The following PI4KA variants were observed in gnomAD, a reference collection of about 807,000 sequenced individuals.
PI4KA encodes PI4-kinase alpha.
Under a neutral mutation model 271.4 loss-of-function variants are expected in PI4KA, and 122 were observed. The ratio of observed to expected loss-of-function variants is 0.45; its 90% confidence interval spans 0.39 to 0.52. The LOEUF is 0.52. PI4KA is among the 20% of genes least tolerant of loss of function. The pLI is 0.00. For synonymous variants in PI4KA, 1,041 were observed against 1,078.8 expected (o/e 0.96, Z 0.69); for missense variants, 1,969 against 2,769.1 (o/e 0.71, Z 6.48).
At chr22:20,784,261 T>G in intron 19 of PI4KA, 1 of 1,614,018 alleles carries the variant, frequency 6.2e-7, no homozygotes, top group Non-Finnish European at 8.5e-7. Flanking sequence ...TCACACTGTG[T>G]GTTTGTTCTT....
chr22:20,833,938 A>G (rs165799), intron 3 of PI4KA, among the ~76,000 whole-genome samples: 75,441 of 151,604 alleles, frequency 0.5, 19,325 homozygotes, highest in African/African-American at 0.6. Context: ...GATTACAGGT[A>G]TGAGCCACCA....
intron 10 of PI4KA, among the ~76,000 whole-genome samples, chr22:20,806,555 A>G (rs371597791): frequency 6.6e-6 from 1 of 151,816 alleles, no homozygotes; most frequent in African/African-American, 2.4e-5. Context: ...CTGTAATCCC[A>G]GCTACTTGGG....
At chr22:20,785,766 C>T (rs1273428887) in intron 19 of PI4KA, among the ~76,000 whole-genome samples, 1 of 152,106 alleles carries the variant, frequency 6.6e-6, no homozygotes, top group Non-Finnish European at 1.5e-5. Context: ...AGGAAACGAA[C>T]CATACAGTCT....
intron 45 of PI4KA, 35 bp from the exon 46 acceptor site, chr22:20,714,735 T>G: frequency 1.9e-6 from 3 of 1,604,564 alleles, no homozygotes; most frequent in East Asian, 2.2e-5. Flanking sequence ...AGGGAGTGCA[T>G]GTGTCACCAC....
At chr22:20,749,004 C>A (rs1025306367) in intron 28 of PI4KA, among the ~76,000 whole-genome samples, 4 of 152,202 alleles carry the variant, frequency 2.6e-5, no homozygotes, top group African/African-American at 9.6e-5. Flanking sequence ...GCCAGACCTG[C>A]GTGAGAAAGT....
At chr22:20,818,656 T>C (rs1277427942) in intron 6 of PI4KA, 107 bp from the exon 7 acceptor site, 30 of 760,322 alleles carry the variant, frequency 3.9e-5, no homozygotes. Context: ...TACTTCAAGT[T>C]CTGGTTGAAG....
chr22:20,730,680 C>T (rs545012263), intron 36 of PI4KA, among the ~76,000 whole-genome samples: 1 of 152,096 alleles, frequency 6.6e-6, no homozygotes, highest in Non-Finnish European at 1.5e-5. Flanking sequence ...AAGCAATTCT[C>T]CTGTCTCAGC....
chr22:20,736,635 CA>C (rs1332638561), intron 32 of PI4KA: 3 of 154,680 alleles, frequency 1.9e-5, no homozygotes, highest in African/African-American at 7.2e-5. Context: ...TCTGAGCAGA[CA>C]GAAGGACCTC....
chr22:20,719,657 T>A (rs1304792736), intron 43 of PI4KA, among the ~76,000 whole-genome samples: 1 of 151,928 alleles, frequency 6.6e-6, no homozygotes, highest in Non-Finnish European at 1.5e-5. Flanking sequence ...AAAAAATAAA[T>A]CTTCCACTCA....
At position 20,838,613 on chromosome 22, in the gene PI4KA, A is replaced by G. The variant is rs1925174364; in HGVS notation, c.273+2T>C. 3 of 1,550,468 alleles carry G rather than the reference A, an allele frequency of 1.9e-6. No homozygotes were observed. In the African/African-American group the frequency reaches 4.1e-5, roughly 21 times the overall value. ...GAAACTTTTAATTTCATGAAGACTT[A>G]CCTGAAGATCAGATTCAATCAGAAA... On this transcript the variant is annotated splice_donor_variant, in intron 2 of 54. Coordinates refer to ENST00000255882, the MANE Select transcript of PI4KA (RefSeq NM_058004.4). LOFTEE classifies it high-confidence loss of function.
In PI4KA at chr22:20,769,924, G is replaced by A. The variant is rs544332049; in HGVS notation, c.2329-4231C>T. ...AGACCCGTCCATGGAAGAAACACTGGTGCTAGTGCCCAGGGCAGAAGTGAG... is the reference window on the plus strand; with the variant it reads ...AGACCCGTCCATGGAAGAAACACTGATGCTAGTGCCCAGGGCAGAAGTGAG... On this transcript the variant is annotated intron_variant, in intron 19 of 54. Transcript: ENST00000255882. Among the ~76,000 whole-genome samples, 20 of 152,306 alleles carry A rather than the reference G, an allele frequency of 1.3e-4. 1 individual carries two copies. In the South Asian group the frequency reaches 2.7e-3, roughly 21 times the overall value.
At chr22:20,758,194 T>C (rs941721306) in intron 23 of PI4KA, among the ~76,000 whole-genome samples, 5 of 151,548 alleles carry the variant, frequency 3.3e-5, no homozygotes, top group Non-Finnish European at 7.4e-5. Flanking sequence ...TGAAACCCCG[T>C]CTCTACTAAA....
intron 2 of PI4KA, among the ~76,000 whole-genome samples, chr22:20,837,083 T>C (rs1398857091): frequency 6.6e-6 from 1 of 152,236 alleles, no homozygotes; most frequent in Non-Finnish European, 1.5e-5. Flanking sequence ...TTTCTTTCTT[T>C]TCACATTTAT....
chr22:20,807,472 A>G lies in PI4KA; in HGVS notation c.1072-14T>C, dbSNP rs115492040. 1.3e-5 allele frequency: 19 copies of G among 1,499,394 alleles called. No homozygotes were observed. In the African/African-American group the frequency reaches 2.1e-4, roughly 16 times the overall value. The allele number at this position is 1,499,394 out of a possible 1,614,324, so 92.9% of individuals were successfully genotyped here. A position where few individuals can be genotyped will look rare whatever the true frequency, so the allele number is the denominator to read the frequency against. On this transcript the variant is annotated splice_polypyrimidine_tract_variant and intron_variant, in intron 9 of 54. Coordinates refer to ENST00000255882, the MANE Select transcript of PI4KA (RefSeq NM_058004.4). ...ACTGGGGTTGGCCTGCAGGGAAGGC[A>G]GACACACATGACTATAGAACAGAAA... is the stretch of plus-strand genomic sequence containing the variant.
intron 42 of PI4KA, chr22:20,725,824 A>C (rs1386535798): frequency 3.9e-6 from 1 of 253,496 alleles, no homozygotes; most frequent in South Asian, 4.3e-5. Flanking sequence ...AGGTGGGAGG[A>C]TAGCTTGAGC....
At position 20,707,745 on chromosome 22, in the gene PI4KA, T is replaced by C. The variant is rs1157608932; in HGVS notation, c.*302A>G. 6.6e-6 allele frequency: 3 copies of C among 451,280 alleles called. No homozygotes were observed. Among genetic ancestry groups the C allele is most frequent in the Non-Finnish European group, 1.2e-5 (3 of 245,546 alleles). 28.0% of individuals were successfully genotyped at this position (451,280 alleles called of 1,614,324 possible). ...TTTTGTTGATGTTGGTTAAATCTTA[T>C]CTCTTTTTTTATACACAATACTTCA... On this transcript the variant is annotated 3_prime_UTR_variant, in exon 55 of 55. Transcript: ENST00000255882.
chr22:20,792,039 T>C (rs1336411841), intron 19 of PI4KA, among the ~76,000 whole-genome samples: 1 of 152,066 alleles, frequency 6.6e-6, no homozygotes. Context: ...AGGTGGAGAC[T>C]GCAGTTAGCC....
chr22:20,780,458 AGC>A (rs1222388451), intron 19 of PI4KA, among the ~76,000 whole-genome samples: 1 of 152,194 alleles, frequency 6.6e-6, no homozygotes, highest in Non-Finnish European at 1.5e-5. Context: ...TTACAGAGGA[AGC>A]CACCAACACA....
At chr22:20,730,936 G>T (rs1927962772) in intron 36 of PI4KA, among the ~76,000 whole-genome samples, 1 of 152,022 alleles carries the variant, frequency 6.6e-6, no homozygotes, top group African/African-American at 2.4e-5. Flanking sequence ...CAGCACTTTG[G>T]GAGGCTGAGG....
Sources: allele counts gnomAD v4.1 joint callset (sites outside exome capture counted in the v4.1 genomes callset), GRCh38; gene constraint gnomAD v4.1.1; transcripts MANE v1.5; gene names NCBI Gene and HGNC (gene_info 2026-07-23, HGNC 2026-07-21).